Variants in CLDN10 observed in about 807,000 individuals in gnomAD.
The protein encoded by CLDN10 is claudin 10.
CLDN10 carries 15 observed loss-of-function variants against 22.9 expected under a neutral mutation model. The observed-to-expected ratio is 0.65, with a 90% CI of 0.44 to 1.01. CLDN10 has a LOEUF of 1.01. Ranked by LOEUF, CLDN10 falls within the 50% of genes least tolerant of loss-of-function variation. The probability of loss-of-function intolerance (pLI) is 0.00; values close to 1 mark genes in which losing one functional copy is unlikely to be tolerated. For synonymous variants in CLDN10, 114 were observed against 111.4 expected, an observed-to-expected ratio of 1.02 and a Z score of -0.15; for missense variants, 247 against 287.8, an observed-to-expected ratio of 0.86 and a Z score of 1.03.
chr13:95,505,778 G>A (rs1466139982), intron 1 of CLDN10, among the ~76,000 whole-genome samples: 15 of 125,866 alleles, frequency 1.2e-4, no homozygotes, highest in Non-Finnish European at 1.4e-4. Flanking sequence ...TTTTTGAGAC[G>A]GAGTCTCGCT....
At chr13:95,509,047 C>T (rs2043068908) in intron 1 of CLDN10, among the ~76,000 whole-genome samples, 1 of 152,088 alleles carries the variant, frequency 6.6e-6, no homozygotes, top group Non-Finnish European at 1.5e-5. Flanking sequence ...TGAAGATGTC[C>T]ACTGCCTAGA....
chr13:95,548,675 T>C (rs1044126374), upstream of CLDN10, among the ~76,000 whole-genome samples: 3 of 152,186 alleles, frequency 2.0e-5, no homozygotes, highest in South Asian at 2.1e-4. Flanking sequence ...GATATGCTCT[T>C]TTAATATCTT....
intron 1 of CLDN10, among the ~76,000 whole-genome samples, chr13:95,460,853 A>C (rs768806069): frequency 7.0e-4 from 106 of 152,230 alleles, no homozygotes; most frequent in Admixed American, 1.6e-3. Context: ...TCACACCTGT[A>C]ATCTCAGCAT....
intron 1 of CLDN10, among the ~76,000 whole-genome samples, chr13:95,546,207 C>T (rs2043507782): frequency 6.6e-6 from 1 of 151,992 alleles, no homozygotes; most frequent in African/African-American, 2.4e-5. Context: ...CATGTTTGTT[C>T]ACACGCTGTA....
chr13:95,448,461 A>G (rs2042402000), intron 1 of CLDN10, among the ~76,000 whole-genome samples: 1 of 152,158 alleles, frequency 6.6e-6, no homozygotes, highest in South Asian at 2.1e-4. Context: ...CACCTCATAC[A>G]TGTCACACGC....
intron 1 of CLDN10, among the ~76,000 whole-genome samples, chr13:95,471,154 T>C (rs2042627252): frequency 6.6e-6 from 1 of 151,958 alleles, no homozygotes; most frequent in Non-Finnish European, 1.5e-5. Flanking sequence ...GAGGAGAATT[T>C]CCAGGCAGGG....
intron 1 of CLDN10, among the ~76,000 whole-genome samples, chr13:95,558,844 GA>G (rs558734609): frequency 2.6e-5 from 4 of 152,084 alleles, no homozygotes; most frequent in Non-Finnish European, 5.9e-5. Flanking sequence ...AGGATCTCTT[GA>G]ACCCAGGAAT....
intron 1 of CLDN10, among the ~76,000 whole-genome samples, chr13:95,540,240 C>G (rs2043445377): frequency 6.6e-6 from 1 of 152,070 alleles, no homozygotes; most frequent in Non-Finnish European, 1.5e-5. Flanking sequence ...ATGGAGGTTA[C>G]AGTGAGCTAA....
At chr13:95,568,227 T>G (rs945601925) in intron 3 of CLDN10, among the ~76,000 whole-genome samples, 3 of 152,228 alleles carry the variant, frequency 2.0e-5, no homozygotes, top group African/African-American at 7.2e-5. Context: ...AGATAGGAGA[T>G]TCCAGATAAG....
intron 1 of CLDN10, among the ~76,000 whole-genome samples, chr13:95,467,121 C>T (rs2042588746): frequency 6.6e-6 from 1 of 151,516 alleles, no homozygotes; most frequent in African/African-American, 2.4e-5. Context: ...TCATGATCTG[C>T]CCACCTCAGC....
At chr13:95,489,236 A>G (rs2042842774) in intron 1 of CLDN10, among the ~76,000 whole-genome samples, 1 of 152,098 alleles carries the variant, frequency 6.6e-6, no homozygotes, top group African/African-American at 2.4e-5. Flanking sequence ...GATGTAAGCC[A>G]CCACGCCCGA....
intron 1 of CLDN10, among the ~76,000 whole-genome samples, chr13:95,455,880 A>T (rs2042477925): frequency 6.6e-6 from 1 of 152,322 alleles, no homozygotes; most frequent in African/African-American, 2.4e-5. Context: ...AGGGAATTCT[A>T]TTTCATACAG....
At chr13:95,457,634 ATAT>A (rs1205235523) in intron 1 of CLDN10, among the ~76,000 whole-genome samples, 1 of 152,120 alleles carries the variant, frequency 6.6e-6, no homozygotes, top group African/African-American at 2.4e-5. Flanking sequence ...CAGTTATCAG[ATAT>A]TATTTTCTGA....
chr13:95,449,074 C>T (rs574456500), intron 1 of CLDN10, among the ~76,000 whole-genome samples: 1 of 152,142 alleles, frequency 6.6e-6, no homozygotes, highest in East Asian at 1.9e-4. Flanking sequence ...TTACTTCCTT[C>T]CAGGTCTCCC....
intron 1 of CLDN10, among the ~76,000 whole-genome samples, chr13:95,491,209 T>C (rs1026510603): frequency 3.3e-5 from 5 of 152,230 alleles, no homozygotes; most frequent in African/African-American, 1.2e-4. Context: ...TTATCCATTC[T>C]GTGGTTCTTC....
chr13:95,488,527 C>T (rs1164035522), intron 1 of CLDN10, among the ~76,000 whole-genome samples: 1 of 151,896 alleles, frequency 6.6e-6, no homozygotes, highest in Non-Finnish European at 1.5e-5. Context: ...TCCCACTCTT[C>T]CCCCCAAGTC....
chr13:95,572,449 A>G (rs1326969609), intron 3 of CLDN10, among the ~76,000 whole-genome samples: 1 of 152,158 alleles, frequency 6.6e-6, no homozygotes, highest in Non-Finnish European at 1.5e-5. Flanking sequence ...CCAGAGCCTT[A>G]GTTTCCTCAT....
chr13:95,510,006 T>G (rs945659288), intron 1 of CLDN10, among the ~76,000 whole-genome samples: 1 of 152,232 alleles, frequency 6.6e-6, no homozygotes. Flanking sequence ...TACTCCCAAC[T>G]TGGCTGATTC....
intron 1 of CLDN10, among the ~76,000 whole-genome samples, chr13:95,484,449 CAT>C (rs1276823661): frequency 1.3e-5 from 2 of 152,112 alleles, no homozygotes; most frequent in Non-Finnish European, 2.9e-5. Context: ...TAAAATATTT[CAT>C]AGTCTGTCAT....
Sources: gnomAD v4.1 joint callset for allele counts (sites outside exome capture counted in the v4.1 genomes callset) on GRCh38, gnomAD v4.1.1 for gene constraint, MANE v1.5 for transcripts, NCBI Gene and HGNC (gene_info 2026-07-23, HGNC 2026-07-21) for gene names.